Variants in BMPR1B observed in about 807,000 individuals in gnomAD.
BMPR1B encodes bone morphogenetic protein receptor type 1B.
In BMPR1B, 12 loss-of-function variants were observed where a neutral mutation model predicts 59.1. The ratio of observed to expected loss-of-function variants is 0.20; its 90% confidence interval spans 0.13 to 0.33. The LOEUF is 0.33. Among genes scored for constraint, BMPR1B ranks in the 10% least tolerant of loss-of-function variants. BMPR1B has a pLI of 1.00. For missense variants in BMPR1B, 550 were observed against 610.9 expected (o/e 0.90, Z 1.05); for synonymous variants, 237 against 207.3 (o/e 1.14, Z -1.23).
chr4:94,953,242 G>A (rs947359210), intron 2 of BMPR1B, among the ~76,000 whole-genome samples: 2 of 151,932 alleles, frequency 1.3e-5, no homozygotes, highest in African/African-American at 2.4e-5. Flanking sequence ...TTTTAATTGG[G>A]GCATTTAGCC....
At position 95,154,549 on chromosome 4, in the gene BMPR1B, G is replaced by A. The variant is rs766596192; in HGVS notation, c.1385G>A (p.Cys462Tyr). 3 of 1,614,094 alleles carry A rather than the reference G, an allele frequency of 1.9e-6. No homozygotes were observed. Among genetic ancestry groups the A allele is most frequent in the African/African-American group, 2.7e-5 (2 of 75,046 alleles). Residue 462 changes from cysteine to tyrosine, a missense_variant and splice_region_variant, in exon 13 of 13, where the codon TGT (cysteine) becomes TAT (tyrosine). Coordinates refer to ENST00000515059, the MANE Select transcript of BMPR1B (RefSeq NM_001203.3). Reference protein sequence around the residue: ...SFPNRWSSDECLRQMGKLMTE... With the variant: ...SFPNRWSSDEYLRQMGKLMTE... Reference sequence around the variant, plus strand: ...TTTTCTAACATTTCTCTTCCTCAGTGTCTAAGGCAGATGGGAAAACTCATG... The same window carrying A: ...TTTTCTAACATTTCTCTTCCTCAGTATCTAAGGCAGATGGGAAAACTCATG...
At chr4:95,111,691 T>TC (rs1401016889) in intron 4 of BMPR1B, among the ~76,000 whole-genome samples, 4 of 152,086 alleles carry the variant, frequency 2.6e-5, no homozygotes, top group African/African-American at 9.7e-5. Flanking sequence ...AAGTGTATGT[T>TC]CACCTGGGCA....
At chr4:95,063,323 A>G (rs902776315) in intron 3 of BMPR1B, among the ~76,000 whole-genome samples, 2 of 152,200 alleles carry the variant, frequency 1.3e-5, no homozygotes, top group African/African-American at 4.8e-5. Flanking sequence ...TGTTAAGCAC[A>G]GGACAAGTTA....
At chr4:95,090,289 G>A (rs1729885375) in intron 3 of BMPR1B, among the ~76,000 whole-genome samples, 1 of 151,212 alleles carries the variant, frequency 6.6e-6, no homozygotes, top group Admixed American at 6.6e-5. Flanking sequence ...TTAAATTATA[G>A]TTACATTTTA....
chr4:94,922,576 C>T (rs978291560), intron 2 of BMPR1B, among the ~76,000 whole-genome samples: 1 of 152,070 alleles, frequency 6.6e-6, no homozygotes, highest in Non-Finnish European at 1.5e-5. Flanking sequence ...CTAAAGCATG[C>T]GGGAACCTTT....
chr4:94,766,619 C>T (rs776510754), intron 1 of BMPR1B, among the ~76,000 whole-genome samples: 1 of 151,730 alleles, frequency 6.6e-6, no homozygotes, highest in Non-Finnish European at 1.5e-5. Context: ...TTGAAGTGAA[C>T]TTGGGAAACA....
At chr4:95,147,067 T>C (rs1734702847) in intron 10 of BMPR1B, among the ~76,000 whole-genome samples, 1 of 152,200 alleles carries the variant, frequency 6.6e-6, no homozygotes, top group Non-Finnish European at 1.5e-5. Flanking sequence ...CTGTTTTGTT[T>C]TTTAATTACA....
At position 94,945,107 on chromosome 4, in the gene BMPR1B, G is replaced by A. The variant is rs1051960852; in HGVS notation, c.-112-50933G>A. Among the ~76,000 whole-genome samples the A allele has an allele frequency of 3.3e-5, 5 of 152,140 alleles. No homozygotes were observed. In the South Asian group the frequency reaches 6.2e-4, roughly 19 times the overall value. ...CACAACAGGGGAAAACAGGGGCAAC[G>A]GCCATTTAGCACATTGGCTAAGAAG... is the stretch of plus-strand genomic sequence containing the variant. On this transcript the variant is annotated intron_variant, in intron 2 of 12. Transcript: ENST00000515059.
At chr4:95,116,605 TTC>T (rs527394971) in intron 6 of BMPR1B, among the ~76,000 whole-genome samples, 4 of 151,398 alleles carry the variant, frequency 2.6e-5, no homozygotes, top group Admixed American at 6.6e-5. Context: ...TTGTTTTGCT[TTC>T]TCTCTCTCTC....
At chr4:94,802,293 A>G (rs529375710) in intron 1 of BMPR1B, among the ~76,000 whole-genome samples, 7 of 152,272 alleles carry the variant, frequency 4.6e-5, no homozygotes, top group African/African-American at 1.7e-4. Flanking sequence ...CATTGACAGC[A>G]GGGCTTCCGA....
chr4:94,988,611 T>G (rs1197873802), intron 2 of BMPR1B, among the ~76,000 whole-genome samples: 1 of 152,188 alleles, frequency 6.6e-6, no homozygotes. Context: ...TACAACATTA[T>G]TTCAGTTGAA....
At position 95,098,967 on chromosome 4, in the gene BMPR1B, C is replaced by T. The variant is rs188231378; in HGVS notation, c.-17-5441C>T. ...CCCTGACCTCGTGATCTGCCTGCCT[C>T]AGCCTCCCAAAGCGCTGGGATTACA... On this transcript the variant is annotated intron_variant, in intron 3 of 12. Transcript: ENST00000515059. 2.0e-3 allele frequency among the ~76,000 whole-genome samples: 303 copies of T among 152,304 alleles called. 1 individual carries two copies. The highest frequency in any genetic ancestry group is 6.2e-3 in the African/African-American group (256 of 41,566).
At chr4:95,127,217 A>G (rs955457326) in intron 8 of BMPR1B, among the ~76,000 whole-genome samples, 1 of 152,196 alleles carries the variant, frequency 6.6e-6, no homozygotes, top group Non-Finnish European at 1.5e-5. Context: ...TTTTATTTAT[A>G]CAATCAATCT....
chr4:94,940,706 GTTC>G (rs1235276334), intron 2 of BMPR1B, among the ~76,000 whole-genome samples: 6 of 152,284 alleles, frequency 3.9e-5, no homozygotes, highest in Non-Finnish European at 5.9e-5. Flanking sequence ...CACTGGATTT[GTTC>G]TTCTCCTTTG....
At chr4:94,894,056 A>T (rs1198462232) in intron 2 of BMPR1B, among the ~76,000 whole-genome samples, 1 of 152,060 alleles carries the variant, frequency 6.6e-6, no homozygotes, top group Admixed American at 6.6e-5. Context: ...CTTGAAAGGG[A>T]TCACATATAT....
intron 1 of BMPR1B, among the ~76,000 whole-genome samples, chr4:94,813,216 T>C (rs1378184204): frequency 6.6e-6 from 1 of 152,024 alleles, no homozygotes; most frequent in Non-Finnish European, 1.5e-5. Flanking sequence ...AAAATATATA[T>C]AGCGGCAGGT....
chr4:95,132,956 C>G (rs1202572140), intron 10 of BMPR1B, among the ~76,000 whole-genome samples: 2 of 152,210 alleles, frequency 1.3e-5, no homozygotes, highest in East Asian at 1.9e-4. Flanking sequence ...TCTCCTTTCT[C>G]TCTCTCCACT....
rs1396417595 is a variant in BMPR1B, at chr4:94,828,308, A to C, written c.-182-47523A>C. Among the ~76,000 whole-genome samples the C allele has an allele frequency of 2.6e-5, 4 of 152,194 alleles. No homozygotes were observed. In the South Asian group the frequency reaches 8.3e-4, roughly 31 times the overall value. ...GAACAGTGCCTGATCTGAAGTTGAG[A>C]TGCTTTTATTTTATTTGGACAGGAA... On this transcript the variant is annotated intron_variant, in intron 1 of 12. Transcript: ENST00000515059.
intron 3 of BMPR1B, among the ~76,000 whole-genome samples, chr4:95,002,370 C>T (rs895438561): frequency 2.6e-5 from 4 of 152,136 alleles, no homozygotes; most frequent in Non-Finnish European, 5.9e-5. Flanking sequence ...TTTTCTTTAT[C>T]CATCCACTGT....
Sources: allele counts gnomAD v4.1 joint callset (sites outside exome capture counted in the v4.1 genomes callset), GRCh38; gene constraint gnomAD v4.1.1; transcripts MANE v1.5; gene names NCBI Gene and HGNC (gene_info 2026-07-23, HGNC 2026-07-21).